The following VIPR2 variants were observed in gnomAD, a reference collection of about 807,000 sequenced individuals.
VIPR2 encodes the protein vasoactive intestinal polypeptide receptor 2.
A neutral mutation model predicts 58.0 loss-of-function variants in VIPR2; 48 were observed. The ratio of observed to expected loss-of-function variants is 0.83; its 90% CI spans 0.66 to 1.05. The LOEUF (loss-of-function observed/expected upper bound fraction) is 1.05, where lower values mean the gene tolerates loss of function less well. Ranked by LOEUF, VIPR2 falls within the 50% of genes least tolerant of loss-of-function variation. The pLI, the probability that VIPR2 is intolerant of heterozygous loss-of-function variation, is 0.00. For missense variants in VIPR2, 534 were observed against 558.0 expected (o/e 0.96, Z 0.43); for synonymous variants, 243 against 235.2 (o/e 1.03, Z -0.30).
chr7:159,106,681 A>G (rs1585512648), intron 3 of VIPR2, among the ~76,000 whole-genome samples: 1 of 75,314 alleles, frequency 1.3e-5, no homozygotes. Context: ...GAGGCCAGGG[A>G]GGGGCAGAGA....
At chr7:159,064,880 G>C (rs954089983) in intron 4 of VIPR2, among the ~76,000 whole-genome samples, 3 of 152,220 alleles carry the variant, frequency 2.0e-5, no homozygotes, top group African/African-American at 7.2e-5. Flanking sequence ...GACAGGCTTT[G>C]ATGAAGTGTG....
In VIPR2 at chr7:159,109,724, G is replaced by C. The variant is rs1585518706; in HGVS notation, c.259+88C>G. On this transcript the variant is annotated intron_variant, in intron 3 of 12. Transcript: ENST00000262178. ...GGTAGCAGGAGATGCCTGAAGGAAA[G>C]TGATGTTCCTGCTTCTTGGATGGAA... The C allele has an allele frequency of 5.6e-6, 7 of 1,252,074 alleles. No homozygotes were observed. The East Asian group carries it at 1.6e-4, about 29-fold the overall frequency. 77.6% of individuals were successfully genotyped at this position (1,252,074 alleles called of 1,614,324 possible).
chr7:159,138,477 G>A (rs1030221038), intron 2 of VIPR2, among the ~76,000 whole-genome samples: 1 of 152,196 alleles, frequency 6.6e-6, no homozygotes, highest in African/African-American at 2.4e-5. Flanking sequence ...ACGGTCACTA[G>A]AACATTGTTT....
Position 159,029,220 on chromosome 7 carries a change from G to A in VIPR2, c.*1396C>T, listed in dbSNP as rs1411942173. On this transcript the variant is annotated 3_prime_UTR_variant, in exon 13 of 13. Coordinates refer to ENST00000262178, the MANE Select transcript of VIPR2 (RefSeq NM_003382.5). ...CATTCATTTTTAAGGGAAAAGTGGAGTCAAATGTGCTCAGAACAACTGAGT... is the reference window on the plus strand; with the variant it reads ...CATTCATTTTTAAGGGAAAAGTGGAATCAAATGTGCTCAGAACAACTGAGT... 1 of 152,296 alleles carries A rather than the reference G, an allele frequency of 6.6e-6. No individual in the cohort carries two copies. Among genetic ancestry groups the A allele is most frequent in the Non-Finnish European group, 1.5e-5 (1 of 68,114 alleles). The allele number at this position is 152,296 out of a possible 1,614,324, so 9.4% of individuals were successfully genotyped here. A position where few individuals can be genotyped will look rare whatever the true frequency, so the allele number is the denominator to read the frequency against.
chr7:159,105,418 G>A (rs1019664140), intron 3 of VIPR2, among the ~76,000 whole-genome samples: 38 of 152,224 alleles, frequency 2.5e-4, no homozygotes, highest in African/African-American at 8.4e-4. Context: ...GACAGACTTG[G>A]TGGGCGCTGC....
chr7:159,039,336 G>A (rs901490752), intron 6 of VIPR2, among the ~76,000 whole-genome samples: 2 of 151,880 alleles, frequency 1.3e-5, no homozygotes, highest in Non-Finnish European at 2.9e-5. Flanking sequence ...AAATTAGCTG[G>A]GTGTGGTGAC....
At chr7:159,062,674 G>A (rs923526131) in intron 4 of VIPR2, among the ~76,000 whole-genome samples, 2 of 67,858 alleles carry the variant, frequency 2.9e-5, no homozygotes, top group African/African-American at 7.1e-5. Flanking sequence ...GCAGCAGCAA[G>A]ATTTACTGCA....
At chr7:159,123,547 G>T (rs868237201) in intron 2 of VIPR2, among the ~76,000 whole-genome samples, 1 of 152,062 alleles carries the variant, frequency 6.6e-6, no homozygotes, top group Non-Finnish European at 1.5e-5. Flanking sequence ...TCTTTATCCA[G>T]TCTGTTACTG....
At chr7:159,092,020 A>G (rs1359605240) in intron 4 of VIPR2, among the ~76,000 whole-genome samples, 1 of 152,182 alleles carries the variant, frequency 6.6e-6, no homozygotes, top group East Asian at 1.9e-4. Context: ...TGAACCTGGG[A>G]GGCGGAGGTT....
At chr7:159,089,735 T>A (rs1857357273) in intron 4 of VIPR2, among the ~76,000 whole-genome samples, 1 of 152,222 alleles carries the variant, frequency 6.6e-6, no homozygotes. Context: ...CCTGTCCCAA[T>A]GTCACAAAAA....
chr7:159,101,850 G>A (rs537717253), intron 4 of VIPR2, among the ~76,000 whole-genome samples: 30 of 138,772 alleles, frequency 2.2e-4, no homozygotes, highest in African/African-American at 8.0e-4. Context: ...GGTCTCACGA[G>A]ATCCGACGAG....
chr7:159,052,015 TG>T (rs1855040759), intron 5 of VIPR2, among the ~76,000 whole-genome samples: 3 of 152,324 alleles, frequency 2.0e-5, no homozygotes, highest in South Asian at 4.1e-4. Context: ...ACGATGTGAA[TG>T]ACCTATGTAG....
At chr7:159,032,286 T>G (rs1165100076) in intron 10 of VIPR2, among the ~76,000 whole-genome samples, 1 of 152,184 alleles carries the variant, frequency 6.6e-6, no homozygotes, top group East Asian at 1.9e-4. Flanking sequence ...GAACGTGCAT[T>G]CCGGAAGTGT....
chr7:159,031,827 C>T lies in VIPR2; in HGVS notation c.1143+1G>A, dbSNP rs775213770. On this transcript the variant is annotated splice_donor_variant, in intron 12 of 12. Coordinates refer to ENST00000262178, the MANE Select transcript of VIPR2 (RefSeq NM_003382.5). LOFTEE classifies it high-confidence loss of function. This position sits in a 1 kb window ranked among gnomAD's most constrained non-coding sequence, Gnocchi z 4.0. Reference sequence around the variant, plus strand: ...TGGTTCCAAGGCGGCCATGAACTTACCTCACTGTTCAGGAAACAGTAGAGG... The same window carrying T: ...TGGTTCCAAGGCGGCCATGAACTTATCTCACTGTTCAGGAAACAGTAGAGG... The T allele has an allele frequency of 1.2e-6, 2 of 1,614,024 alleles. No individual in the cohort carries two copies. Among genetic ancestry groups the T allele is most frequent in the South Asian group, 1.1e-5 (1 of 91,088 alleles).
rs1858089458 is a variant in VIPR2 at position 159,099,702 on chromosome 7, C to A, written c.357+4055G>T. ...CCCAGGCACAGTTGCCGGCTAGGTG[C>A]AGACGAAGATGAAGACTCAGAGGTG... On this transcript the variant is annotated intron_variant, in intron 4 of 12. Transcript: ENST00000262178. The surrounding 1 kb of genome is among the most constrained non-coding windows in gnomAD (Gnocchi z 4.2). Among the ~76,000 whole-genome samples the A allele has an allele frequency of 6.6e-6, 1 of 152,126 alleles. No individual in the cohort carries two copies. The highest frequency in any genetic ancestry group is 2.1e-4 in the South Asian group (1 of 4,824).
chr7:159,120,671 C>G (rs1796420806), intron 2 of VIPR2, among the ~76,000 whole-genome samples: 1 of 152,188 alleles, frequency 6.6e-6, no homozygotes, highest in Admixed American at 6.5e-5. Context: ...GTTGGCACCA[C>G]TGCATAGTAA....
chr7:159,100,571 G>C (rs1858143053), intron 4 of VIPR2, among the ~76,000 whole-genome samples: 1 of 152,166 alleles, frequency 6.6e-6, no homozygotes, highest in South Asian at 2.1e-4. Context: ...TTATCCACTA[G>C]CCACGTGATA....
At chr7:159,137,899 C>T (rs1428155433) in intron 2 of VIPR2, among the ~76,000 whole-genome samples, 3 of 152,138 alleles carry the variant, frequency 2.0e-5, no homozygotes, top group Non-Finnish European at 4.4e-5. Context: ...AAGATATAGG[C>T]ACCTTTTAAG....
At chr7:159,072,844 T>C (rs1856476370) in intron 4 of VIPR2, among the ~76,000 whole-genome samples, 1 of 152,222 alleles carries the variant, frequency 6.6e-6, no homozygotes, top group Non-Finnish European at 1.5e-5. Flanking sequence ...ATTTTACACA[T>C]TTTAATTAAA....
Sources: allele counts gnomAD v4.1 joint callset (sites outside exome capture counted in the v4.1 genomes callset), GRCh38; gene constraint gnomAD v4.1.1; non-coding constraint Gnocchi (gnomAD v3.1); transcripts MANE v1.5; gene names NCBI Gene and HGNC (gene_info 2026-07-23, HGNC 2026-07-21).